RPH3AL: variants seen among roughly 807,000 people sequenced by gnomAD.
RPH3AL encodes rabphilin 3A like (without C2 domains), also known as rab effector Noc2.
Under a neutral mutation model 43.1 loss-of-function variants are expected in RPH3AL, and 38 were observed. The observed-to-expected ratio is 0.88, with a 90% CI of 0.68 to 1.15. RPH3AL has a LOEUF of 1.15. Among genes scored for constraint, RPH3AL ranks in the 50% most tolerant of loss-of-function variants. RPH3AL has a pLI of 0.00. For synonymous variants in RPH3AL, 189 were observed against 176.3 expected, an observed-to-expected ratio of 1.07 and a Z score of -0.57; for missense variants, 462 against 423.2, an observed-to-expected ratio of 1.09 and a Z score of -0.81.
In RPH3AL at chr17:323,824, C is replaced by T. The variant is rs1038910006; in HGVS notation, c.78-2409G>A. Among the ~76,000 whole-genome samples the T allele has an allele frequency of 5.9e-5, 9 of 151,456 alleles. No homozygotes were observed. The highest frequency in any genetic ancestry group is 2.1e-4 in the South Asian group (1 of 4,772). On this transcript the variant is annotated intron_variant, in intron 3 of 9. Coordinates refer to ENST00000331302, the MANE Select transcript of RPH3AL (RefSeq NM_006987.4). This position sits in a 1 kb window ranked among gnomAD's most constrained non-coding sequence, Gnocchi z 4.4. The stretch of plus-strand genomic sequence containing the variant: ...CAGGCCCGGACCCTCCATCACCCCG[C>T]GAGACAGTCCAGACCCTCAGTCACC...
chr17:314,593 C>T (rs1486905345), intron 5 of RPH3AL, among the ~76,000 whole-genome samples: 9 of 151,732 alleles, frequency 5.9e-5, no homozygotes, highest in Non-Finnish European at 2.9e-5. Flanking sequence ...CTCTGTGCTC[C>T]ACCTCCACTG....
At chr17:308,737 G>A (rs2043562524) in intron 5 of RPH3AL, among the ~76,000 whole-genome samples, 1 of 152,182 alleles carries the variant, frequency 6.6e-6, no homozygotes, top group Non-Finnish European at 1.5e-5. Flanking sequence ...CTGAGATTCT[G>A]CATTTCTAAT....
At chr17:339,629 G>A (rs1199010110) in intron 1 of RPH3AL, 1 of 152,276 alleles carries the variant, frequency 6.6e-6, no homozygotes, top group Non-Finnish European at 1.5e-5. Context: ...CGTGCCCAAG[G>A]CCCCATAAGC....
chr17:304,276 G>A (rs565979755), intron 5 of RPH3AL, among the ~76,000 whole-genome samples: 67 of 151,670 alleles, frequency 4.4e-4, no homozygotes, highest in South Asian at 2.1e-4. Flanking sequence ...CCTTGCAACC[G>A]CCCCCGAGAT....
intron 6 of RPH3AL, among the ~76,000 whole-genome samples, chr17:267,846 C>T (rs953833543): frequency 2.6e-5 from 4 of 152,152 alleles, no homozygotes; most frequent in Admixed American, 1.3e-4. Flanking sequence ...CTGATTTTAG[C>T]GACCTCCTCT....
At chr17:306,697 G>A (rs1338463201) in intron 5 of RPH3AL, 1 of 151,570 alleles carries the variant, frequency 6.6e-6, no homozygotes, top group Non-Finnish European at 1.5e-5. Context: ...TTAGTCCCTT[G>A]GATGGCTCTG....
chr17:285,313 A>C (rs2042881201), intron 5 of RPH3AL, among the ~76,000 whole-genome samples: 1 of 152,156 alleles, frequency 6.6e-6, no homozygotes, highest in South Asian at 2.1e-4. Context: ...GGGATGGCAG[A>C]CCTGGGTGGG....
chr17:238,822 T>C (rs1301242442), intron 7 of RPH3AL, among the ~76,000 whole-genome samples: 1 of 152,144 alleles, frequency 6.6e-6, no homozygotes, highest in Non-Finnish European at 1.5e-5. Context: ...AACCCAGCTC[T>C]AAAGGTGTTA....
At chr17:292,997 C>G (rs575633962) in intron 5 of RPH3AL, among the ~76,000 whole-genome samples, 1 of 152,232 alleles carries the variant, frequency 6.6e-6, no homozygotes, top group Non-Finnish European at 1.5e-5. Context: ...CTGGACTTCC[C>G]ACCCCACGTC....
intron 3 of RPH3AL, among the ~76,000 whole-genome samples, chr17:325,845 C>T (rs1183647806): frequency 6.6e-6 from 1 of 152,176 alleles, no homozygotes; most frequent in African/African-American, 2.4e-5. Flanking sequence ...CCTGAGGGTC[C>T]CACGGGACAC....
intron 6 of RPH3AL, among the ~76,000 whole-genome samples, chr17:269,291 A>C (rs1033904027): frequency 1.3e-5 from 2 of 151,998 alleles, no homozygotes; most frequent in Non-Finnish European, 2.9e-5. Flanking sequence ...GGTGTGAGCC[A>C]CCGTGCCTGA....
chr17:268,962 T>C (rs1193915080), intron 6 of RPH3AL, among the ~76,000 whole-genome samples: 1 of 152,130 alleles, frequency 6.6e-6, no homozygotes, highest in African/African-American at 2.4e-5. Flanking sequence ...CACCGCAAGC[T>C]CTGCCTCCCG....
chr17:329,464 G>A (rs926756242), intron 2 of RPH3AL, among the ~76,000 whole-genome samples: 2 of 152,120 alleles, frequency 1.3e-5, no homozygotes, highest in African/African-American at 4.8e-5. Flanking sequence ...CAAAAAGAGC[G>A]AAACTCCGTC....
chr17:315,591 G>A (rs1567510660), intron 5 of RPH3AL, among the ~76,000 whole-genome samples: 8 of 148,162 alleles, frequency 5.4e-5, no homozygotes, highest in Non-Finnish European at 8.9e-5. Flanking sequence ...TGTAGTCCCT[G>A]TGCTCCACCT....
Position 328,843 on chromosome 17 carries a change from T to G in RPH3AL, c.-36-1264A>C, listed in dbSNP as rs2044680106. Among the ~76,000 whole-genome samples the G allele has an allele frequency of 6.6e-6, 1 of 152,176 alleles. No individual in the cohort carries two copies. The highest frequency in any genetic ancestry group is 6.5e-5 in the Admixed American group (1 of 15,270). The stretch of plus-strand genomic sequence containing the variant: ...GTGCTAATACCAGCTACAACATGGA[T>G]GAATCTTTAAAACATCCTAAGTAAG... On this transcript the variant is annotated intron_variant, in intron 2 of 9. Coordinates refer to ENST00000331302, the MANE Select transcript of RPH3AL (RefSeq NM_006987.4). The surrounding 1 kb of genome is among the most constrained non-coding windows in gnomAD (Gnocchi z 4.2).
intron 6 of RPH3AL, among the ~76,000 whole-genome samples, chr17:277,110 C>G (rs1033134904): frequency 2.0e-5 from 3 of 152,100 alleles, no homozygotes; most frequent in African/African-American, 4.8e-5. Context: ...AAAATGTAGA[C>G]AGAGAGCTAT....
rs2041737775 is a variant in RPH3AL at position 245,401 on chromosome 17, G to GTA, written c.613+1709_613+1710insTA. On this transcript the variant is annotated intron_variant, in intron 7 of 9. Transcript: ENST00000331302. This position sits in a 1 kb window ranked among gnomAD's most constrained non-coding sequence, Gnocchi z 5.9. Reference sequence around the variant, plus strand: ...GATGTCAGTGTGTGTGTGGATATCAGTGTGTGTGTGTGCATGGTGATGTGT... The same window carrying GTA: ...GATGTCAGTGTGTGTGTGGATATCAGTATGTGTGTGTGTGCATGGTGATGTGT... 7.4e-6 allele frequency among the ~76,000 whole-genome samples: 1 copy of GTA among 135,490 alleles called. No homozygotes were observed. The highest frequency in any genetic ancestry group is 1.7e-5 in the Non-Finnish European group (1 of 60,422). 88.9% of individuals were successfully genotyped at this position (135,490 alleles called of 152,430 possible). A position where few individuals can be genotyped will look rare whatever the true frequency, so the allele number is the denominator to read the frequency against.
At chr17:306,537 G>C (rs187456039) in intron 5 of RPH3AL, 1 of 152,170 alleles carries the variant, frequency 6.6e-6, no homozygotes, top group Admixed American at 6.5e-5. Context: ...CAGCTTTATC[G>C]TGGCTAACTC....
chr17:224,525 A>C (rs2041063134), intron 7 of RPH3AL, among the ~76,000 whole-genome samples: 1 of 152,162 alleles, frequency 6.6e-6, no homozygotes, highest in Non-Finnish European at 1.5e-5. Context: ...CTACAACTGC[A>C]CCAACCACTG....
Sources: gnomAD v4.1 joint callset for allele counts (sites outside exome capture counted in the v4.1 genomes callset) on GRCh38, gnomAD v4.1.1 for gene constraint, Gnocchi (gnomAD v3.1) non-coding constraint, MANE v1.5 for transcripts, NCBI Gene and HGNC (gene_info 2026-07-23, HGNC 2026-07-21) for gene names.